The following BAZ1B variants were observed in gnomAD, a reference collection of about 807,000 sequenced individuals.
BAZ1B encodes bromodomain adjacent to zinc finger domain 1B, also known as tyrosine-protein kinase BAZ1B.
In BAZ1B, 22 loss-of-function variants were observed where a neutral mutation model predicts 153.8. That is an observed-to-expected ratio of 0.14 (90% confidence interval 0.10 to 0.20). The LOEUF is 0.20. Ranked by LOEUF, BAZ1B falls within the 10% of genes least tolerant of loss-of-function variation. The pLI is 1.00. For synonymous variants in BAZ1B, 676 were observed against 633.4 expected (o/e 1.07, Z -1.01); for missense variants, 1,325 against 1,799.3 (o/e 0.74, Z 4.77).
chr7:73,469,900 G>T (rs1330447942), intron 8 of BAZ1B, among the ~76,000 whole-genome samples: 1 of 152,096 alleles, frequency 6.6e-6, no homozygotes, highest in Non-Finnish European at 1.5e-5. Context: ...TTGAAATGGG[G>T]TCTCGCTATG....
At chr7:73,453,861 C>A (rs1424857951) in intron 13 of BAZ1B, among the ~76,000 whole-genome samples, 5 of 151,944 alleles carry the variant, frequency 3.3e-5, no homozygotes, top group Non-Finnish European at 7.4e-5. Flanking sequence ...TGCCTGTGGT[C>A]CCAGTTACTT....
rs782758072 is a variant in BAZ1B, at chr7:73,478,461, G to GA, written c.999dup (p.Pro334SerfsTer2). 1 of 1,611,878 alleles carries GA rather than the reference G, an allele frequency of 6.2e-7. No homozygotes were observed. On this transcript the variant is annotated frameshift_variant, in exon 7 of 20. Coordinates refer to ENST00000339594, the MANE Select transcript of BAZ1B (RefSeq NM_032408.4). LOFTEE classifies it high-confidence loss of function. ...AAGTGTACGTGACACCATAACTTAG[G>GA]ATTTAGTGGTGAACTAAGAGAAGAG...
intron 1 of BAZ1B, among the ~76,000 whole-genome samples, chr7:73,517,667 A>G (rs1554579557): frequency 6.6e-6 from 1 of 152,244 alleles, no homozygotes; most frequent in Admixed American, 6.5e-5. Context: ...GCAAATGCCA[A>G]TTGAGGTTTT....
At chr7:73,459,200 A>G (rs1554569971) in intron 13 of BAZ1B, among the ~76,000 whole-genome samples, 1 of 151,516 alleles carries the variant, frequency 6.6e-6, no homozygotes, top group Non-Finnish European at 1.5e-5. Flanking sequence ...GTGAGCTGAG[A>G]TTGCACCACT....
Position 73,476,937 on chromosome 7 carries a change from C to A in BAZ1B, c.2524G>T (p.Val842Leu). The change falls in exon 7 of 20, where the codon GTG becomes TTG. Residue 842 changes from valine to leucine, a missense_variant. Around this residue, in one of 9 missense-constraint regions of BAZ1B, gnomAD observed 431 missense variants for 563.5 expected, o/e 0.76. Coordinates refer to ENST00000339594, the MANE Select transcript of BAZ1B (RefSeq NM_032408.4). ...ATGGCAAGCAACCTTCTGCTCTTCA[C>A]AGCACTAATCATGTCTTCAGCTTCT... is the stretch of plus-strand genomic sequence containing the variant. Reference protein sequence around the residue: ...DTEAEDMISAVKSRRLLAIQA... With the variant: ...DTEAEDMISALKSRRLLAIQA... 2 of 1,614,094 alleles carry A rather than the reference C, an allele frequency of 1.2e-6. No individual in the cohort carries two copies. The highest frequency in any genetic ancestry group is 2.2e-5 in the South Asian group (2 of 91,048).
intron 16 of BAZ1B, among the ~76,000 whole-genome samples, chr7:73,446,471 G>T (rs1408143703): frequency 6.6e-6 from 1 of 150,464 alleles, no homozygotes; most frequent in Non-Finnish European, 1.5e-5. Context: ...TGTATACTCG[G>T]GAGGCTGAGG....
rs1789058773 is a variant in BAZ1B, at chr7:73,478,048, C to T, written c.1413G>A (p.Leu471=). ...CAATGAGGTGTAGGGCTGCAGGAGG[C>T]AGATGTTTATGAGGTTTACTAGAGG... is the stretch of plus-strand genomic sequence containing the variant. ...PRTSSKPHKH[L]PPAALHLIAY... Residue 471 remains leucine (L), a synonymous_variant, in exon 7 of 20, where the codon CTG becomes CTA. Coordinates refer to ENST00000339594, the MANE Select transcript of BAZ1B (RefSeq NM_032408.4). The T allele has an allele frequency of 6.2e-7, 1 of 1,614,100 alleles. No homozygotes were observed. Among genetic ancestry groups the T allele is most frequent in the Non-Finnish European group, 8.5e-7 (1 of 1,180,016 alleles).
intron 3 of BAZ1B, among the ~76,000 whole-genome samples, chr7:73,499,464 G>C (rs1411137176): frequency 1.3e-5 from 2 of 152,096 alleles, no homozygotes; most frequent in Non-Finnish European, 2.9e-5. Flanking sequence ...AGGATTACAG[G>C]CATGAGCCAC....
intron 4 of BAZ1B, 59 bp downstream of exon 4, chr7:73,498,438 T>C: frequency 1.3e-6 from 2 of 1,507,406 alleles, no homozygotes; most frequent in Non-Finnish European, 1.8e-6. Context: ...AAAAGATGTG[T>C]TCATAATAAA....
At chr7:73,465,733 C>T (rs1333597412) in intron 10 of BAZ1B, among the ~76,000 whole-genome samples, 196 bp from the exon 11 acceptor site, 4 of 152,058 alleles carry the variant, frequency 2.6e-5, no homozygotes, top group Non-Finnish European at 5.9e-5. Flanking sequence ...TACTAGGACA[C>T]CAGAGCCAAT....
chr7:73,478,138 C>T lies in BAZ1B; in HGVS notation c.1323G>A (p.Leu441=). The T allele has an allele frequency of 6.2e-7, 1 of 1,614,172 alleles. No individual in the cohort carries two copies. The highest frequency in any genetic ancestry group is 8.5e-7 in the Non-Finnish European group (1 of 1,180,042). Residue 441 remains leucine, a synonymous_variant, in exon 7 of 20, where the codon TTG becomes TTA. Coordinates refer to ENST00000339594, the MANE Select transcript of BAZ1B (RefSeq NM_032408.4). ...TCTTCTGCGTGCCTTTGGCCATATC[C>T]AACAAAGTCATCTGCTTCATTTTGG... is the stretch of plus-strand genomic sequence containing the variant. ...PKTKMKQMTL[L]DMAKGTQKMT... is the part of the protein sequence containing the mutation.
chr7:73,473,288 C>T (rs1788882339), intron 7 of BAZ1B, among the ~76,000 whole-genome samples: 1 of 152,222 alleles, frequency 6.6e-6, no homozygotes. Flanking sequence ...GGCGGTGGCT[C>T]ATGCCTTTAA....
chr7:73,483,256 T>TA (rs1364811051), intron 6 of BAZ1B, among the ~76,000 whole-genome samples: 2 of 152,146 alleles, frequency 1.3e-5, no homozygotes, highest in African/African-American at 4.8e-5. Flanking sequence ...GTTTCTTGAT[T>TA]AAAAAAAGGA....
intron 13 of BAZ1B, among the ~76,000 whole-genome samples, chr7:73,455,172 A>G (rs961992763): frequency 6.6e-6 from 1 of 152,044 alleles, no homozygotes; most frequent in Non-Finnish European, 1.5e-5. Flanking sequence ...GGCGTGAGCC[A>G]CCGCACCTGG....
rs553629645 is a variant in BAZ1B, at chr7:73,464,662, T to C, written c.3071+777A>G. On this transcript the variant is annotated intron_variant, in intron 11 of 19. Transcript: ENST00000339594. ...TCATTCATGTTGTAGCACAGAACAG[T>C]ACTTCATTTCTTTTTGTGGCTAAAT... 6.6e-5 allele frequency among the ~76,000 whole-genome samples: 10 copies of C among 152,358 alleles called. No individual in the cohort carries two copies. In the South Asian group the frequency reaches 2.1e-3, roughly 32 times the overall value.
Position 73,452,840 on chromosome 7 carries a change from T to C in BAZ1B, c.3433-1846A>G, listed in dbSNP as rs958093814. ...TACTGTAAGTCAAACAATGGGTTTA[T>C]TGGGACATAGCCCCATCCTAAATTC... On this transcript the variant is annotated intron_variant, in intron 13 of 19. Transcript: ENST00000339594. Among the ~76,000 whole-genome samples the C allele has an allele frequency of 7.2e-5, 11 of 152,306 alleles. No individual in the cohort carries two copies. In the East Asian group the frequency reaches 7.7e-4, roughly 11 times the overall value.
At chr7:73,445,345 T>C (rs920085998) in intron 16 of BAZ1B, among the ~76,000 whole-genome samples, 4 of 152,186 alleles carry the variant, frequency 2.6e-5, no homozygotes, top group Non-Finnish European at 4.4e-5. Flanking sequence ...AAGAATCTGA[T>C]GCTTAGGTGC....
Position 73,443,859 on chromosome 7 carries a change from C to CA in BAZ1B, c.3990+124_3990+125insT. On this transcript the variant is annotated intron_variant, in intron 17 of 19. Coordinates refer to ENST00000339594, the MANE Select transcript of BAZ1B (RefSeq NM_032408.4). ...CTCACCCATCTGCCTCCCCAGCCTCCCAAGTTTGGTAAGAAGGAGGAGGGG... is the reference window on the plus strand; with the variant it reads ...CTCACCCATCTGCCTCCCCAGCCTCCACAAGTTTGGTAAGAAGGAGGAGGGG... 3.4e-6 allele frequency: 5 copies of CA among 1,464,408 alleles called. No homozygotes were observed. The South Asian group carries it at 5.9e-5, about 17-fold the overall frequency. The allele number at this position is 1,464,408 out of a possible 1,614,324, so 90.7% of individuals were successfully genotyped here.
chr7:73,498,016 A>G (rs1401627864), intron 4 of BAZ1B, among the ~76,000 whole-genome samples: 1 of 151,728 alleles, frequency 6.6e-6, no homozygotes, highest in Non-Finnish European at 1.5e-5. Context: ...CTAGAGTGCA[A>G]TGGTGCGATC....
Sources: allele counts gnomAD v4.1 joint callset (sites outside exome capture counted in the v4.1 genomes callset), GRCh38; gene constraint gnomAD v4.1.1; regional missense constraint gnomAD v4.1.1; transcripts MANE v1.5; gene names NCBI Gene and HGNC (gene_info 2026-07-23, HGNC 2026-07-21).